RCCD1: variants seen among roughly 807,000 people sequenced by gnomAD.
The protein encoded by RCCD1 is RCC1 domain containing 1.
RCCD1 carries 40 observed loss-of-function variants against 37.6 expected under a neutral mutation model. The observed-to-expected ratio is 1.06, with a 90% CI of 0.83 to 1.39. The LOEUF is 1.39. Ranked by LOEUF, RCCD1 falls within the 40% of genes most tolerant of loss-of-function variation. The probability of loss-of-function intolerance (pLI) is 0.00; values close to 1 mark genes in which losing one functional copy is unlikely to be tolerated. For synonymous variants in RCCD1, 263 were observed against 230.0 expected (o/e 1.14, Z -1.30); for missense variants, 577 against 517.3 (o/e 1.12, Z -1.12).
intron 4 of RCCD1, 161 bp from the exon 5 acceptor site, chr15:90,959,739 G>C: frequency 1.9e-6 from 1 of 528,880 alleles, no homozygotes; most frequent in Non-Finnish European, 3.4e-6. Context: ...GTGAACCTAA[G>C]ACAAGCCCCT....
rs770010766 is a variant in RCCD1 at position 90,960,013 on chromosome 15, G to A, written c.778+15G>A. The A allele has an allele frequency of 1.5e-5, 24 of 1,594,732 alleles. No individual in the cohort carries two copies. Among genetic ancestry groups the A allele is most frequent in the Middle Eastern group, 2.0e-4 (1 of 5,128 alleles). ...CGCAAGGGAAGGTGAGGGTCATCTC[G>A]GCTCCCACAGCCGTCTCCCCAGGAT... On this transcript the variant is annotated intron_variant, in intron 5 of 7. Transcript: ENST00000394258.
In RCCD1 at chr15:90,956,843, G is replaced by A. The variant is rs764735558; in HGVS notation, c.109G>A (p.Ala37Thr). The change falls in exon 2 of 8, where the codon GCG becomes ACG. Residue 37 changes from alanine to threonine, a missense_variant. Transcript: ENST00000394258. Reference sequence around the variant, plus strand: ...GGTGCACAGCCCCAGTCCGCTGCGGGCGGGCGTCGACATCTGCCGCGTGAG... The same window carrying A: ...GGTGCACAGCCCCAGTCCGCTGCGGACGGGCGTCGACATCTGCCGCGTGAG... The part of the protein sequence containing the change: ...RQVHSPSPLR[A>T]GVDICRVSAS... 2.3e-6 allele frequency: 3 copies of A among 1,294,718 alleles called. No homozygotes were observed. Among genetic ancestry groups the A allele is most frequent in the Admixed American group, 3.4e-5 (1 of 29,830 alleles). 80.2% of individuals were successfully genotyped at this position (1,294,718 alleles called of 1,614,324 possible).
intron 4 of RCCD1, among the ~76,000 whole-genome samples, chr15:90,957,965 C>G (rs1041205349): frequency 6.6e-6 from 1 of 152,220 alleles, no homozygotes; most frequent in African/African-American, 2.4e-5. Context: ...CACTGCCCCT[C>G]CCCTCCTCTC....
chr15:90,955,724 G>T (rs866562146), intron 1 of RCCD1: 1 of 148,942 alleles, frequency 6.7e-6, no homozygotes, highest in African/African-American at 2.5e-5. Context: ...AAACAAACCC[G>T]CTCCAGCCGA....
intron 4 of RCCD1, among the ~76,000 whole-genome samples, chr15:90,958,627 CAA>C (rs5814447): frequency 0.32 from 24,172 of 74,416 alleles, 2,522 homozygotes; most frequent in East Asian, 0.78. Context: ...GACTCAGTCT[CAA>C]AAAAAAAAAA....
rs61080563 is a variant in RCCD1 at position 90,960,800 on chromosome 15, C to T, written c.950-225C>T. 3.3e-3 allele frequency: 2,151 copies of T among 647,656 alleles called. 33 individuals are homozygous for T. In the African/African-American group the frequency reaches 0.034, roughly 10 times the overall value. The allele number at this position is 647,656 out of a possible 1,614,324, so 40.1% of individuals were successfully genotyped here. ...CTGTCCAGTCTGGCATGGAAGACTGCGGCGCTCGGTAGCATGGCACACAGG... is the reference window on the plus strand; with the variant it reads ...CTGTCCAGTCTGGCATGGAAGACTGTGGCGCTCGGTAGCATGGCACACAGG... On this transcript the variant is annotated intron_variant, in intron 6 of 7. Transcript: ENST00000394258.
At position 90,961,863 on chromosome 15, in the gene RCCD1, CTCCCCA is replaced by C; in HGVS notation, c.*97_*102del. 2 of 1,288,286 alleles carry C rather than the reference CTCCCCA, an allele frequency of 1.6e-6. No homozygotes were observed. The highest frequency in any genetic ancestry group is 1.4e-5 in the South Asian group (1 of 71,830). 79.8% of individuals were successfully genotyped at this position (1,288,286 alleles called of 1,614,324 possible). On this transcript the variant is annotated 3_prime_UTR_variant, in exon 8 of 8. Coordinates refer to ENST00000394258, the MANE Select transcript of RCCD1 (RefSeq NM_001017919.2). The stretch of plus-strand genomic sequence containing the variant: ...CACCCCAAGGGCCCCATATTTGCCC[CTCCCCA>C]TCACAGTCCTGCCCTTCACCCTCAA...
In RCCD1 at chr15:90,962,249, C is replaced by G. The variant is rs2037330934; in HGVS notation, c.*480C>G. 1.3e-5 allele frequency: 2 copies of G among 154,600 alleles called. No homozygotes were observed. Among genetic ancestry groups the G allele is most frequent in the South Asian group, 4.0e-4 (2 of 5,048 alleles). 9.6% of individuals were successfully genotyped at this position (154,600 alleles called of 1,614,324 possible). A position where few individuals can be genotyped will look rare whatever the true frequency, so the allele number is the denominator to read the frequency against. ...ATGTGCTTTTGTGTCGTTTTTGTCACTCAGCATTGTATAATCCATCCTTGT... is the reference window on the plus strand; with the variant it reads ...ATGTGCTTTTGTGTCGTTTTTGTCAGTCAGCATTGTATAATCCATCCTTGT... On this transcript the variant is annotated 3_prime_UTR_variant, in exon 8 of 8. Coordinates refer to ENST00000394258, the MANE Select transcript of RCCD1 (RefSeq NM_001017919.2).
intron 1 of RCCD1, among the ~76,000 whole-genome samples, chr15:90,956,314 C>T (rs918496135): frequency 1.3e-5 from 2 of 152,152 alleles, no homozygotes; most frequent in African/African-American, 2.4e-5. Context: ...TGTAAAACGA[C>T]CATTTTGGTT....
At chr15:90,957,809 C>T in intron 4 of RCCD1, 84 bp downstream of exon 4, 2 of 1,492,588 alleles carry the variant, frequency 1.3e-6, no homozygotes, top group East Asian at 4.6e-5. Context: ...TGGGGGCCTA[C>T]CCAGGCCTCC....
At chr15:90,960,223 C>G in intron 5 of RCCD1, 105 bp from the exon 6 acceptor site, 3 of 1,215,494 alleles carry the variant, frequency 2.5e-6, no homozygotes, top group East Asian at 4.7e-5. Flanking sequence ...AGCTTTGGAG[C>G]TAGGCAGTCG....
chr15:90,962,931 TTTACAAG>T lies in RCCD1; in HGVS notation c.*1164_*1170del, dbSNP rs1324303987. ...CCATGCCAGGTAAGGCTCAAAGTGC[TTTACAAG>T]TATCAACTTATTTTGATAAAATAAG... On this transcript the variant is annotated 3_prime_UTR_variant, in exon 8 of 8. Transcript: ENST00000394258. 9.2e-5 allele frequency: 14 copies of T among 152,322 alleles called. No individual in the cohort carries two copies. Among genetic ancestry groups the T allele is most frequent in the African/African-American group, 3.4e-4 (14 of 41,562 alleles). 9.4% of individuals were successfully genotyped at this position (152,322 alleles called of 1,614,324 possible).
intron 1 of RCCD1, chr15:90,955,426 G>A (rs1406975703): frequency 2.0e-5 from 3 of 152,302 alleles, no homozygotes; most frequent in Non-Finnish European, 2.9e-5. Context: ...TGCCCGAGAG[G>A]GTAGAGGGCA....
chr15:90,961,847 G>C lies in RCCD1; in HGVS notation c.*78G>C. 6.8e-7 allele frequency: 1 copy of C among 1,474,358 alleles called. No individual in the cohort carries two copies. Among genetic ancestry groups the C allele is most frequent in the Non-Finnish European group, 9.2e-7 (1 of 1,083,664 alleles). The allele number at this position is 1,474,358 out of a possible 1,614,324, so 91.3% of individuals were successfully genotyped here. On this transcript the variant is annotated 3_prime_UTR_variant, in exon 8 of 8. Coordinates refer to ENST00000394258, the MANE Select transcript of RCCD1 (RefSeq NM_001017919.2). ...GGAAAACCATTGCCTGCACCCCAAG[G>C]GCCCCATATTTGCCCCTCCCCATCA... is the stretch of plus-strand genomic sequence containing the variant.
intron 4 of RCCD1, among the ~76,000 whole-genome samples, chr15:90,959,536 C>T (rs1265793682): frequency 6.6e-6 from 1 of 152,240 alleles, no homozygotes; most frequent in Non-Finnish European, 1.5e-5. Flanking sequence ...ATCTACCCAT[C>T]TCAGCCTCCC....
At position 90,957,351 on chromosome 15, in the gene RCCD1, C is replaced by T. The variant is rs2037219520; in HGVS notation, c.405C>T (p.Pro135=). The T allele has an allele frequency of 7.1e-6, 11 of 1,546,262 alleles. No homozygotes were observed. Among genetic ancestry groups the T allele is most frequent in the Non-Finnish European group, 9.6e-6 (11 of 1,145,778 alleles). ...GTGAGGCCCAGGCTGGGAGGCTACC[C>T]CTGCTGCCCTGCGCCCGTGCCTACG... ...PAGEAQAGRL[P]LLPCARAYVS... is the part of the protein sequence containing the mutation. Residue 135 remains proline (P), a synonymous_variant, in exon 3 of 8, where the codon CCC becomes CCT. Transcript: ENST00000394258.
intron 3 of RCCD1, 32 bp from the exon 4 acceptor site, chr15:90,957,572 G>C: frequency 6.2e-7 from 1 of 1,613,482 alleles, no homozygotes; most frequent in Non-Finnish European, 8.5e-7. Context: ...CCCTTAATGC[G>C]ACTGTAGCTG....
chr15:90,955,714 A>C (rs988875832), intron 1 of RCCD1: 9 of 131,482 alleles, frequency 6.8e-5, no homozygotes, highest in African/African-American at 1.1e-4. Flanking sequence ...AAAAAAAAAA[A>C]AACAAACCCG....
chr15:90,960,695 G>T, intron 6 of RCCD1, 197 bp downstream of exon 6: 1 of 623,568 alleles, frequency 1.6e-6, no homozygotes, highest in Non-Finnish European at 2.8e-6. Context: ...TCTTCCTTCT[G>T]GTGGGAGGCT....
Sources: gnomAD v4.1 joint callset for allele counts (sites outside exome capture counted in the v4.1 genomes callset) on GRCh38, gnomAD v4.1.1 for gene constraint, MANE v1.5 for transcripts, NCBI Gene and HGNC (gene_info 2026-07-23, HGNC 2026-07-21) for gene names.